Variants in MXD4 observed in about 807,000 individuals in gnomAD.
MXD4 encodes the protein MAX dimerization protein 4.
MXD4 carries 16 observed loss-of-function variants against 24.5 expected under a neutral mutation model. The observed-to-expected ratio is 0.65, with a 90% CI of 0.44 to 0.99. The LOEUF (loss-of-function observed/expected upper bound fraction) is 0.99. Among genes scored for constraint, MXD4 ranks in the 50% least tolerant of loss-of-function variants. The pLI, the probability that MXD4 is intolerant of heterozygous loss-of-function variation, is 0.00. For synonymous variants in MXD4, 164 were observed against 134.2 expected, an observed-to-expected ratio of 1.22 and a Z score of -1.54; for missense variants, 301 against 301.5, an observed-to-expected ratio of 1.00 and a Z score of 0.01.
rs1207244585 is a variant in MXD4 at position 2,250,617 on chromosome 4, A to C, written c.557T>G (p.Leu186Arg). ...ACTGTCGCCGCCGGTGCCACTCTGCAGGCTGTAGTGGTCGTCCGCGTCACT... is the reference window on the plus strand; with the variant it reads ...ACTGTCGCCGCCGGTGCCACTCTGCCGGCTGTAGTGGTCGTCCGCGTCACT... Reference protein sequence around the residue: ...SSSDADDHYSLQSGTGGDSGF... With the variant: ...SSSDADDHYSRQSGTGGDSGF... The change falls in exon 6 of 6, where the codon CTG (leucine) becomes CGG (arginine). Residue 186 changes from leucine (L) to arginine (R), a missense_variant. Physicochemically the swap from Leu to Arg is moderately radical, Grantham distance 102. Coordinates refer to ENST00000337190, the MANE Select transcript of MXD4 (RefSeq NM_006454.3). 6.2e-7 allele frequency: 1 copy of C among 1,613,218 alleles called. No individual in the cohort carries two copies. The highest frequency in any genetic ancestry group is 8.5e-7 in the Non-Finnish European group (1 of 1,179,894).
intron 3 of MXD4, among the ~76,000 whole-genome samples, chr4:2,257,093 CT>C (rs1399109119): frequency 6.6e-6 from 1 of 152,230 alleles, no homozygotes; most frequent in Non-Finnish European, 1.5e-5. Flanking sequence ...CCCTGCCCAG[CT>C]GCCCGCCCCA....
intron 2 of MXD4, among the ~76,000 whole-genome samples, 161 bp downstream of exon 2, chr4:2,261,550 CGGCCGGGCGGGGCT>C (rs1464288318): frequency 2.7e-5 from 4 of 147,720 alleles, no homozygotes; most frequent in African/African-American, 9.8e-5. Context: ...AGGGCGGGGC[CGGCCGGGCGGGGCT>C]GCGGCCGCGG....
intron 3 of MXD4, among the ~76,000 whole-genome samples, chr4:2,257,082 T>C (rs2108790623): frequency 6.6e-6 from 1 of 152,262 alleles, no homozygotes; most frequent in Admixed American, 6.5e-5. Context: ...CTGCGTTCTG[T>C]CCCTGCCCAG....
chr4:2,258,043 T>C, intron 2 of MXD4, 32 bp from the exon 3 acceptor site: 1 of 1,613,190 alleles, frequency 6.2e-7, no homozygotes, highest in South Asian at 1.1e-5. Flanking sequence ...CAGAGCTCAC[T>C]CTTCTGCCTG....
intron 4 of MXD4, 43 bp from the exon 5 acceptor site, chr4:2,251,289 TC>T: frequency 1.3e-5 from 19 of 1,501,698 alleles, no homozygotes; most frequent in Non-Finnish European, 1.6e-5. Flanking sequence ...GGAAGAGGAG[TC>T]CCCCCATCCC....
chr4:2,261,950 C>G lies in MXD4; in HGVS notation c.31G>C (p.Glu11Gln). Residue 11 changes from glutamate (E) to glutamine (Q), a missense_variant, in exon 1 of 6, where the codon GAG (glutamate) becomes CAG (glutamine). By Grantham distance (29) the Glu-to-Gln change is conservative. Coordinates refer to ENST00000337190, the MANE Select transcript of MXD4 (RefSeq NM_006454.3). MELNSLLILL[E>Q]AAEYLERRDR... ...CTGCGCTCCAGGTACTCGGCCGCCT[C>G]CAGCAGGATCAGCAGGGAGTTCAGC... 6.9e-7 allele frequency: 1 copy of G among 1,452,092 alleles called. No homozygotes were observed. Among genetic ancestry groups the G allele is most frequent in the East Asian group, 3.0e-5 (1 of 33,344 alleles). 90.0% of individuals were successfully genotyped at this position (1,452,092 alleles called of 1,614,324 possible).
rs780732241 is a variant in MXD4, at chr4:2,258,978, G to A, written c.165-967C>T. 194 of 455,232 alleles carry A rather than the reference G, an allele frequency of 4.3e-4. 4 individuals are homozygous for A. Among genetic ancestry groups the A allele is most frequent in the South Asian group, 2.7e-3 (172 of 64,468 alleles). 28.2% of individuals were successfully genotyped at this position (455,232 alleles called of 1,614,324 possible). A position where few individuals can be genotyped will look rare whatever the true frequency, so the allele number is the denominator to read the frequency against. On this transcript the variant is annotated intron_variant, in intron 2 of 5. Transcript: ENST00000337190. ...GAGGATAACGAGGCAGGGGGACCTC[G>A]CTCCCAGCTCCAGGCCACCTTCCGT...
intron 3 of MXD4, 131 bp from the exon 4 acceptor site, chr4:2,252,653 C>T: frequency 1.6e-6 from 1 of 639,508 alleles, no homozygotes. Flanking sequence ...CTAAGGATCC[C>T]CTCCTGGCCT....
intron 2 of MXD4, among the ~76,000 whole-genome samples, chr4:2,261,009 G>A (rs142660879): frequency 2.4e-4 from 37 of 152,356 alleles, no homozygotes; most frequent in African/African-American, 7.2e-4. Context: ...AAGGTATGGA[G>A]GGCGCAGCTG....
At chr4:2,258,122 T>TGGGTCC in intron 2 of MXD4, 111 bp from the exon 3 acceptor site, 1 of 1,386,518 alleles carries the variant, frequency 7.2e-7, no homozygotes, top group Middle Eastern at 1.9e-4. Flanking sequence ...TGGCTGTGTC[T>TGGGTCC]GGGTCCTGGA....
At chr4:2,256,424 C>T (rs1387991816) in intron 3 of MXD4, among the ~76,000 whole-genome samples, 2 of 152,244 alleles carry the variant, frequency 1.3e-5, no homozygotes, top group African/African-American at 4.8e-5. Flanking sequence ...CAGGGCCTGC[C>T]TCCCGGGGAT....
In MXD4 at chr4:2,258,025, C is replaced by T; in HGVS notation, c.165-14G>A. Reference sequence around the variant, plus strand: ...TTGTGTGAAGACCTGTTTAGAAAGACAGAAAGACAGAGCTCACTCTTCTGC... The same window carrying T: ...TTGTGTGAAGACCTGTTTAGAAAGATAGAAAGACAGAGCTCACTCTTCTGC... On this transcript the variant is annotated splice_polypyrimidine_tract_variant and intron_variant, in intron 2 of 5. Coordinates refer to ENST00000337190, the MANE Select transcript of MXD4 (RefSeq NM_006454.3). 6.2e-7 allele frequency: 1 copy of T among 1,613,542 alleles called. No homozygotes were observed. The highest frequency in any genetic ancestry group is 1.1e-5 in the South Asian group (1 of 91,076).
intron 4 of MXD4, among the ~76,000 whole-genome samples, chr4:2,251,613 G>A (rs1004290170): frequency 3.9e-5 from 6 of 152,216 alleles, no homozygotes; most frequent in Admixed American, 3.9e-4. Context: ...CTTACAGCGG[G>A]TCTCCTCACA....
rs905563639 is a variant in MXD4, at chr4:2,248,550, G to A, written c.*1994C>T. 2.6e-5 allele frequency: 4 copies of A among 152,454 alleles called. No homozygotes were observed. The highest frequency in any genetic ancestry group is 4.8e-5 in the African/African-American group (2 of 41,452). 9.4% of individuals were successfully genotyped at this position (152,454 alleles called of 1,614,324 possible). A position where few individuals can be genotyped will look rare whatever the true frequency, so the allele number is the denominator to read the frequency against. On this transcript the variant is annotated 3_prime_UTR_variant, in exon 6 of 6. Coordinates refer to ENST00000337190, the MANE Select transcript of MXD4 (RefSeq NM_006454.3). ...AATGAAGCCTGGGGGGACAGACTCA[G>A]GCAGGCAGGGGAAGCTCCTTTCTGG...
intron 2 of MXD4, chr4:2,260,566 A>AC: frequency 2.2e-6 from 1 of 455,554 alleles, no homozygotes; most frequent in South Asian, 1.6e-5. Context: ...TTGCTCACTG[A>AC]GGAGGCCTGA....
intron 3 of MXD4, 37 bp downstream of exon 3, chr4:2,257,945 G>A (rs763311685): frequency 1.2e-6 from 2 of 1,613,368 alleles, no homozygotes; most frequent in Admixed American, 1.7e-5. Flanking sequence ...GGTGGGCCAG[G>A]TGTCGGGCTC....
At chr4:2,261,197 G>C (rs1238675177) in intron 2 of MXD4, among the ~76,000 whole-genome samples, 1 of 152,248 alleles carries the variant, frequency 6.6e-6, no homozygotes, top group African/African-American at 2.4e-5. Context: ...GCCCAGGACA[G>C]CGCCTCCACT....
At chr4:2,257,784 A>G (rs946917600) in intron 3 of MXD4, among the ~76,000 whole-genome samples, 198 bp downstream of exon 3, 1 of 152,200 alleles carries the variant, frequency 6.6e-6, no homozygotes, top group African/African-American at 2.4e-5. Context: ...GCCTCCTGCC[A>G]TCTCCTGCCT....
chr4:2,257,499 C>A (rs1356685823), intron 3 of MXD4, among the ~76,000 whole-genome samples: 1 of 152,244 alleles, frequency 6.6e-6, no homozygotes, highest in Non-Finnish European at 1.5e-5. Context: ...GGAATGAACA[C>A]CCCGCAGCTT....
Sources: gnomAD v4.1 joint callset for allele counts (sites outside exome capture counted in the v4.1 genomes callset) on GRCh38, gnomAD v4.1.1 for gene constraint, MANE v1.5 for transcripts, NCBI Gene and HGNC (gene_info 2026-07-23, HGNC 2026-07-21) for gene names.